The following NKAIN2 variants were observed in gnomAD, a reference collection of about 807,000 sequenced individuals.
NKAIN2 encodes sodium/potassium transporting ATPase interacting 2.
In NKAIN2, 14 loss-of-function variants were observed where a neutral mutation model predicts 32.6. The ratio of observed to expected loss-of-function variants is 0.43; its 90% CI spans 0.28 to 0.67. The LOEUF (loss-of-function observed/expected upper bound fraction) is 0.67, where lower values mean the gene tolerates loss of function less well. Among genes scored for constraint, NKAIN2 ranks in the 30% least tolerant of loss-of-function variants. The pLI is 0.17. For synonymous variants in NKAIN2, 80 were observed against 87.2 expected (o/e 0.92, Z 0.46); for missense variants, 198 against 258.3 (o/e 0.77, Z 1.60).
At chr6:123,852,229 C>T (rs1447087992) in intron 1 of NKAIN2, among the ~76,000 whole-genome samples, 1 of 152,186 alleles carries the variant, frequency 6.6e-6, no homozygotes, top group East Asian at 1.9e-4. Flanking sequence ...TATATGTATA[C>T]ATTGTAGAAT....
intron 3 of NKAIN2, among the ~76,000 whole-genome samples, chr6:124,607,589 T>G (rs754530591): frequency 3.3e-5 from 5 of 152,166 alleles, no homozygotes; most frequent in Non-Finnish European, 5.9e-5. Context: ...ATTGCTTATT[T>G]AACAATATCT....
intron 3 of NKAIN2, among the ~76,000 whole-genome samples, chr6:124,511,449 G>A (rs1778709428): frequency 1.3e-5 from 2 of 152,058 alleles, no homozygotes; most frequent in Non-Finnish European, 2.9e-5. Context: ...ACACATGAGA[G>A]CACAAGGCAA....
At chr6:124,590,531 G>C (rs1342590938) in intron 3 of NKAIN2, among the ~76,000 whole-genome samples, 1 of 140,258 alleles carries the variant, frequency 7.1e-6, no homozygotes, top group African/African-American at 2.6e-5. Context: ...GAGAGCCGAT[G>C]GATACTGCCC....
chr6:124,446,032 T>G (rs2114608753), intron 3 of NKAIN2, among the ~76,000 whole-genome samples: 1 of 152,262 alleles, frequency 6.6e-6, no homozygotes, highest in Non-Finnish European at 1.5e-5. Context: ...TGTAATTCTT[T>G]ACTTATTTGC....
chr6:124,590,217 G>A (rs913544681), intron 3 of NKAIN2, among the ~76,000 whole-genome samples: 10 of 152,136 alleles, frequency 6.6e-5, no homozygotes, highest in African/African-American at 2.4e-4. Flanking sequence ...TTAGTGCTGA[G>A]GTTTTGCAAC....
At chr6:124,064,234 C>T (rs1187565634) in intron 1 of NKAIN2, among the ~76,000 whole-genome samples, 1 of 152,032 alleles carries the variant, frequency 6.6e-6, no homozygotes, top group East Asian at 1.9e-4. Flanking sequence ...ATAATGTTAA[C>T]TTACATTATT....
At chr6:124,225,574 G>T (rs890539630) in intron 1 of NKAIN2, among the ~76,000 whole-genome samples, 1 of 151,892 alleles carries the variant, frequency 6.6e-6, no homozygotes, top group African/African-American at 2.4e-5. Flanking sequence ...ATTTGGAAAT[G>T]TTATGACATT....
intron 2 of NKAIN2, among the ~76,000 whole-genome samples, chr6:124,309,278 G>T (rs1213315704): frequency 1.3e-5 from 2 of 152,058 alleles, no homozygotes; most frequent in African/African-American, 4.8e-5. Context: ...AAAGACTCAA[G>T]CCTGGAACTA....
intron 4 of NKAIN2, among the ~76,000 whole-genome samples, chr6:124,723,870 A>G (rs1397308213): frequency 6.6e-6 from 1 of 152,216 alleles, no homozygotes; most frequent in African/African-American, 2.4e-5. Context: ...GCATCTTTCC[A>G]ATCCTACTCT....
intron 1 of NKAIN2, among the ~76,000 whole-genome samples, chr6:124,050,387 T>C (rs1043542952): frequency 6.6e-6 from 1 of 152,002 alleles, no homozygotes; most frequent in Non-Finnish European, 1.5e-5. Flanking sequence ...TTCAGTGAGA[T>C]GAAAGAGTAG....
chr6:124,196,759 G>A (rs867573625), intron 1 of NKAIN2, among the ~76,000 whole-genome samples: 50 of 152,006 alleles, frequency 3.3e-4, no homozygotes, highest in African/African-American at 1.1e-3. Context: ...ATCAATCAGT[G>A]TCTAATATAA....
intron 3 of NKAIN2, among the ~76,000 whole-genome samples, chr6:124,424,087 G>A (rs1327413256): frequency 1.3e-5 from 2 of 151,894 alleles, no homozygotes; most frequent in African/African-American, 2.4e-5. Flanking sequence ...TCTGCCTCCC[G>A]GGTTCACGCC....
intron 4 of NKAIN2, among the ~76,000 whole-genome samples, chr6:124,741,377 C>G (rs1777202158): frequency 6.6e-6 from 1 of 151,742 alleles, no homozygotes; most frequent in African/African-American, 2.4e-5. Flanking sequence ...AATGAATATT[C>G]ATTTGAAATG....
chr6:124,332,228 T>TGCAC (rs1554283284), intron 2 of NKAIN2, among the ~76,000 whole-genome samples: 2 of 150,736 alleles, frequency 1.3e-5, no homozygotes, highest in African/African-American at 4.9e-5. Context: ...TGTGTGTATA[T>TGCAC]ACACACACAC....
chr6:124,448,977 TAATTA>T (rs1414098066), intron 3 of NKAIN2, among the ~76,000 whole-genome samples: 5 of 152,132 alleles, frequency 3.3e-5, no homozygotes, highest in African/African-American at 1.2e-4. Flanking sequence ...AAGGAATTGT[TAATTA>T]AATAACATCA....
At position 124,824,417 on chromosome 6, in the gene NKAIN2, G is replaced by A. The variant is rs1781511786; in HGVS notation, c.*1188G>A. 6.6e-6 allele frequency: 1 copy of A among 152,124 alleles called. No individual in the cohort carries two copies. Among genetic ancestry groups the A allele is most frequent in the Non-Finnish European group, 1.5e-5 (1 of 68,004 alleles). The allele number at this position is 152,124 out of a possible 1,614,324, so 9.4% of individuals were successfully genotyped here. A position where few individuals can be genotyped will look rare whatever the true frequency, so the allele number is the denominator to read the frequency against. ...TATTTGAGATCTTTTTGTGGTATTTGGGGGATCTGTTGTGTGTTAGAGTGT... is the reference window on the plus strand; with the variant it reads ...TATTTGAGATCTTTTTGTGGTATTTAGGGGATCTGTTGTGTGTTAGAGTGT... On this transcript the variant is annotated 3_prime_UTR_variant, in exon 7 of 7. Coordinates refer to ENST00000368417, the MANE Select transcript of NKAIN2 (RefSeq NM_001040214.3).
chr6:124,121,122 A>G (rs1785858085), intron 1 of NKAIN2, among the ~76,000 whole-genome samples: 1 of 152,130 alleles, frequency 6.6e-6, no homozygotes, highest in South Asian at 2.1e-4. Context: ...TTAGTAGAGA[A>G]GTAGATATGC....
intron 4 of NKAIN2, among the ~76,000 whole-genome samples, chr6:124,713,094 A>G (rs1207163955): frequency 6.6e-6 from 1 of 152,186 alleles, no homozygotes. Flanking sequence ...TCATACATTT[A>G]TGGAGTGTTG....
At chr6:124,768,888 C>T (rs1778629685) in intron 4 of NKAIN2, among the ~76,000 whole-genome samples, 1 of 152,052 alleles carries the variant, frequency 6.6e-6, no homozygotes, top group Non-Finnish European at 1.5e-5. Context: ...ATTTAAAAAC[C>T]CATTTTATAG....
Sources: gnomAD v4.1 joint callset for allele counts (sites outside exome capture counted in the v4.1 genomes callset) on GRCh38, gnomAD v4.1.1 for gene constraint, MANE v1.5 for transcripts, NCBI Gene and HGNC (gene_info 2026-07-23, HGNC 2026-07-21) for gene names.